DNAH14: variants seen among roughly 807,000 people sequenced by gnomAD.
DNAH14 encodes the protein axonemal beta dynein heavy chain 14.
DNAH14 carries 478 observed loss-of-function variants against 520.9 expected under a neutral mutation model. The observed-to-expected ratio is 0.92, with a 90% CI of 0.85 to 0.99. The LOEUF (loss-of-function observed/expected upper bound fraction) is 0.99. Ranked by LOEUF, DNAH14 falls within the 50% of genes least tolerant of loss-of-function variation. DNAH14 has a pLI of 0.00. For missense variants in DNAH14, 4,831 were observed against 5,234.5 expected, an observed-to-expected ratio of 0.92 and a Z score of 2.38; for synonymous variants, 1,581 against 1,757.2, an observed-to-expected ratio of 0.90 and a Z score of 2.51.
At chr1:224,984,431 T>C (rs2062481980) in intron 8 of DNAH14, among the ~76,000 whole-genome samples, 1 of 152,144 alleles carries the variant, frequency 6.6e-6, no homozygotes, top group Non-Finnish European at 1.5e-5. Flanking sequence ...CCTGAAACTA[T>C]AAAAATTCCA....
intron 55 of DNAH14, among the ~76,000 whole-genome samples, chr1:225,296,353 C>T (rs1292728018): frequency 6.6e-6 from 1 of 152,074 alleles, no homozygotes; most frequent in Admixed American, 6.5e-5. Context: ...AAACACCGTG[C>T]CTGGCCAAAT....
chr1:225,300,767 C>T, intron 55 of DNAH14, 102 bp from the exon 56 acceptor site: 1 of 1,209,340 alleles, frequency 8.3e-7, no homozygotes, highest in Non-Finnish European at 1.1e-6. Flanking sequence ...AGCCTCAGTT[C>T]TCCTTAATCA....
At chr1:225,133,277 A>G (rs1351822564) in intron 27 of DNAH14, among the ~76,000 whole-genome samples, 1 of 151,756 alleles carries the variant, frequency 6.6e-6, no homozygotes, top group Non-Finnish European at 1.5e-5. Context: ...TTGCTTTTGG[A>G]ATTTTTTTCA....
chr1:225,389,993 G>T (rs1303271355), intron 83 of DNAH14, 120 bp downstream of exon 83: 8 of 882,918 alleles, frequency 9.1e-6, no homozygotes, highest in Non-Finnish European at 1.2e-5. Context: ...CTCCACAGGT[G>T]CCTGGGTCTC....
intron 16 of DNAH14, among the ~76,000 whole-genome samples, chr1:225,051,010 G>T (rs958020141): frequency 8.5e-5 from 13 of 152,094 alleles, no homozygotes; most frequent in African/African-American, 2.9e-4. Flanking sequence ...TGCAGGAGTG[G>T]AGCTGAGGCA....
At chr1:225,335,436 T>TGTGTGTATGCACATATGCACGTGTGTAC in intron 66 of DNAH14, among the ~76,000 whole-genome samples, 1 of 79,202 alleles carries the variant, frequency 1.3e-5, no homozygotes. Context: ...CGTGTGTACA[T>TGTGTGTATGCACATATGCACGTGTGTAC]GTGTGTGTAT....
chr1:225,170,458 G>A (rs573442354), intron 36 of DNAH14, among the ~76,000 whole-genome samples: 1 of 152,006 alleles, frequency 6.6e-6, no homozygotes, highest in Non-Finnish European at 1.5e-5. Flanking sequence ...AAAAAGGCAG[G>A]GGTTGGAATC....
At chr1:225,104,665 A>G (rs2075851776) in intron 23 of DNAH14, among the ~76,000 whole-genome samples, 1 of 151,986 alleles carries the variant, frequency 6.6e-6, no homozygotes, top group Non-Finnish European at 1.5e-5. Flanking sequence ...TTTCTAGTTT[A>G]TTTGCATAGA....
intron 55 of DNAH14, among the ~76,000 whole-genome samples, chr1:225,291,122 G>C (rs1013528778): frequency 6.6e-6 from 1 of 152,020 alleles, no homozygotes; most frequent in African/African-American, 2.4e-5. Flanking sequence ...TGAGTGAGAG[G>C]ATGTGGTGTT....
chr1:225,037,940 G>A (rs528814193), intron 11 of DNAH14, among the ~76,000 whole-genome samples: 6 of 151,886 alleles, frequency 4.0e-5, no homozygotes, highest in South Asian at 2.1e-4. Context: ...TGCCCGCCTC[G>A]GCCTCCCAAA....
At chr1:225,337,996 CTTTT>C (rs34298762) in intron 67 of DNAH14, 61 bp from the exon 68 acceptor site, 13 of 1,294,820 alleles carry the variant, frequency 1.0e-5, no homozygotes, top group Non-Finnish European at 1.2e-5. Context: ...TTTATTGCTG[CTTTT>C]TTTTTTCAAC....
intron 15 of DNAH14, among the ~76,000 whole-genome samples, chr1:225,047,403 T>C (rs2068060910): frequency 6.6e-6 from 1 of 152,208 alleles, no homozygotes; most frequent in African/African-American, 2.4e-5. Context: ...CATAAGATTA[T>C]AATACCATAC....
At chr1:225,017,784 A>G (rs1466670043) in intron 10 of DNAH14, among the ~76,000 whole-genome samples, 1 of 152,230 alleles carries the variant, frequency 6.6e-6, no homozygotes, top group African/African-American at 2.4e-5. Context: ...AGGTTAAAGC[A>G]TGCTGCCCAG....
At chr1:225,162,529 G>C (rs2081616867) in intron 35 of DNAH14, among the ~76,000 whole-genome samples, 1 of 152,106 alleles carries the variant, frequency 6.6e-6, no homozygotes, top group South Asian at 2.1e-4. Flanking sequence ...GGTTGTTTGT[G>C]ATACCATGTA....
intron 17 of DNAH14, among the ~76,000 whole-genome samples, chr1:225,053,209 A>G (rs79992315): frequency 0.042 from 6,328 of 152,114 alleles, 216 homozygotes; most frequent in Non-Finnish European, 0.061. Flanking sequence ...AAAGTGGTGA[A>G]GGAAAATGAA....
intron 54 of DNAH14, 136 bp from the exon 55 acceptor site, chr1:225,289,749 C>T: frequency 1.9e-6 from 1 of 525,178 alleles, no homozygotes. Flanking sequence ...TAATATGACT[C>T]CCAAAAGGTT....
At chr1:225,285,197 C>T (rs1231301177) in intron 54 of DNAH14, among the ~76,000 whole-genome samples, 1 of 152,214 alleles carries the variant, frequency 6.6e-6, no homozygotes, top group African/African-American at 2.4e-5. Flanking sequence ...CAAGCCCATC[C>T]TTATTCACAT....
chr1:225,275,859 T>C (rs1312827613), intron 52 of DNAH14, 55 bp from the exon 53 acceptor site: 1 of 237,950 alleles, frequency 4.2e-6, no homozygotes, highest in Non-Finnish European at 9.2e-6. Flanking sequence ...TGAGTTTTGA[T>C]AACAAGTAGA....
rs1353531226 is a variant in DNAH14, at chr1:225,043,963, C to T, written c.1892C>T (p.Thr631Ile). Residue 631 changes from threonine (T) to isoleucine (I), a missense_variant, in exon 15 of 86, where the codon ACT becomes ATT. By Grantham distance (89) the Thr-to-Ile change is moderately conservative (BLOSUM62 -1). Coordinates refer to ENST00000682510, the MANE Select transcript of DNAH14 (RefSeq NM_001367479.1). ...EFSVKIQNML[T>I]NMEKCITTIT... ...TCAGTAAAAATTCAAAATATGTTGA[C>T]TAATATGGAAAAATGTATAAGTAAG... 1.3e-6 allele frequency: 2 copies of T among 1,499,852 alleles called. No homozygotes were observed. The highest frequency in any genetic ancestry group is 1.8e-6 in the Non-Finnish European group (2 of 1,107,430). 92.9% of individuals were successfully genotyped at this position (1,499,852 alleles called of 1,614,324 possible). A position where few individuals can be genotyped will look rare whatever the true frequency, so the allele number is the denominator to read the frequency against.
Sources: allele counts gnomAD v4.1 joint callset (sites outside exome capture counted in the v4.1 genomes callset), GRCh38; gene constraint gnomAD v4.1.1; transcripts MANE v1.5; gene names NCBI Gene and HGNC (gene_info 2026-07-23, HGNC 2026-07-21).